Variants in NAV3 observed in about 807,000 individuals in gnomAD.
NAV3 encodes the protein neuron navigator 3, also known as pore membrane and/or filament interacting like protein 1.
In NAV3, 87 loss-of-function variants were observed where a neutral mutation model predicts 244.7. That is an observed-to-expected ratio of 0.36 (90% CI 0.30 to 0.42). NAV3 has a LOEUF of 0.42. NAV3 is among the 20% of genes least tolerant of loss of function. NAV3 has a pLI of 1.00. For synonymous variants in NAV3, 1,126 were observed against 1,042.2 expected (o/e 1.08, Z -1.55); for missense variants, 2,663 against 2,893.3 (o/e 0.92, Z 1.83).
chr12:77,859,985 C>T (rs1387704655), intron 1 of NAV3, among the ~76,000 whole-genome samples: 1 of 151,704 alleles, frequency 6.6e-6, no homozygotes, highest in African/African-American at 2.4e-5. Context: ...AAGTAAAGCA[C>T]AATTAAAATA....
intron 7 of NAV3, among the ~76,000 whole-genome samples, chr12:78,004,025 C>T (rs1163021673): frequency 6.6e-6 from 1 of 152,182 alleles, no homozygotes; most frequent in African/African-American, 2.4e-5. Context: ...AGCAGAATTT[C>T]TGGCATGCAG....
At chr12:77,793,164 A>C (rs1298528658) in intron 2 of NAV3, among the ~76,000 whole-genome samples, 1 of 152,216 alleles carries the variant, frequency 6.6e-6, no homozygotes. Flanking sequence ...AAAAAATATT[A>C]TAGCTATTAA....
intron 5 of NAV3, 71 bp from the exon 6 acceptor site, chr12:77,994,732 T>C: frequency 8.3e-7 from 1 of 1,199,972 alleles, no homozygotes; most frequent in Non-Finnish European, 1.2e-6. Flanking sequence ...ATAGTTTTCT[T>C]GTAAGTTTGT....
chr12:77,580,397 C>T (rs539159187), intron 2 of NAV3, among the ~76,000 whole-genome samples: 22 of 152,268 alleles, frequency 1.4e-4, no homozygotes, highest in Admixed American at 9.8e-4. Flanking sequence ...GCCATGACAC[C>T]GTCTGCTGGT....
At chr12:78,070,430 G>A (rs300417) in intron 12 of NAV3, among the ~76,000 whole-genome samples, 55,411 of 150,480 alleles carry the variant, frequency 0.37, 10,285 homozygotes, top group African/African-American at 0.42. Flanking sequence ...AAGTGCATAA[G>A]AATAATGACG....
chr12:77,734,029 G>C (rs1411030300), intron 2 of NAV3, among the ~76,000 whole-genome samples: 1 of 151,652 alleles, frequency 6.6e-6, no homozygotes, highest in Admixed American at 6.6e-5. Context: ...AGACTTAAGG[G>C]AAAGAATTAG....
chr12:78,120,939 C>T (rs1955639839), intron 15 of NAV3, among the ~76,000 whole-genome samples: 2 of 152,058 alleles, frequency 1.3e-5, no homozygotes, highest in Admixed American at 1.3e-4. Context: ...GGCTTTATTC[C>T]TCCGTAGTAA....
Position 78,210,757 on chromosome 12 carries a change from A to G in NAV3, c.*240A>G, listed in dbSNP as rs933192638. The G allele has an allele frequency of 8.6e-6, 4 of 464,492 alleles. No individual in the cohort carries two copies. The Admixed American group carries it at 1.5e-4, about 18-fold the overall frequency. The allele number at this position is 464,492 out of a possible 1,614,324, so 28.8% of individuals were successfully genotyped here. A position where few individuals can be genotyped will look rare whatever the true frequency, so the allele number is the denominator to read the frequency against. ...TATCTGTGGAGTAATAGAAAGCTCC[A>G]TTACTCAACTGGAAAGGACCCTAAT... is the stretch of plus-strand genomic sequence containing the variant. On this transcript the variant is annotated 3_prime_UTR_variant, in exon 40 of 40. Coordinates refer to ENST00000397909, the MANE Select transcript of NAV3 (RefSeq NM_001024383.2).
chr12:77,899,295 C>T (rs1884984539), intron 1 of NAV3, among the ~76,000 whole-genome samples: 1 of 152,166 alleles, frequency 6.6e-6, no homozygotes, highest in South Asian at 2.1e-4. Flanking sequence ...AAAATGCTAT[C>T]CAACAGCATT....
chr12:77,836,452 G>A (rs1874649966), intron 1 of NAV3, among the ~76,000 whole-genome samples: 1 of 152,148 alleles, frequency 6.6e-6, no homozygotes, highest in Admixed American at 6.6e-5. Flanking sequence ...ATTATGGAAA[G>A]CAATTATTTT....
At chr12:77,572,995 C>T (rs1868900792) in intron 2 of NAV3, among the ~76,000 whole-genome samples, 3 of 152,078 alleles carry the variant, frequency 2.0e-5, no homozygotes, top group Non-Finnish European at 2.9e-5. Context: ...TTAGAGATGG[C>T]GTCTAGGAGA....
intron 1 of NAV3, among the ~76,000 whole-genome samples, chr12:77,931,068 C>CCA (rs1888735293): frequency 1.0e-5 from 1 of 96,646 alleles, no homozygotes; most frequent in Admixed American, 1.1e-4. Flanking sequence ...AAATTCTTTC[C>CCA]TATAATTTTT....
At chr12:77,785,862 G>A (rs1870881299) in intron 2 of NAV3, among the ~76,000 whole-genome samples, 1 of 152,106 alleles carries the variant, frequency 6.6e-6, no homozygotes, top group East Asian at 1.9e-4. Flanking sequence ...AGAAACCTGT[G>A]GTCATCCCTC....
chr12:78,091,255 A>C (rs998738899), intron 12 of NAV3, among the ~76,000 whole-genome samples: 5 of 152,152 alleles, frequency 3.3e-5, no homozygotes, highest in Non-Finnish European at 4.4e-5. Context: ...AATAGTAGTA[A>C]CTTTACTTTT....
intron 2 of NAV3, among the ~76,000 whole-genome samples, chr12:77,819,782 T>G (rs1331711412): frequency 6.6e-6 from 1 of 152,172 alleles, no homozygotes; most frequent in Non-Finnish European, 1.5e-5. Context: ...TTTTCAACAT[T>G]ATGCTTTATT....
chr12:77,631,674 G>A (rs1565744930), intron 2 of NAV3, among the ~76,000 whole-genome samples: 2 of 152,128 alleles, frequency 1.3e-5, no homozygotes, highest in Non-Finnish European at 1.5e-5. Flanking sequence ...CTCACTCTGT[G>A]CCACCCCTTC....
intron 2 of NAV3, among the ~76,000 whole-genome samples, chr12:77,609,270 C>T (rs1870806051): frequency 6.6e-6 from 1 of 152,060 alleles, no homozygotes; most frequent in Non-Finnish European, 1.5e-5. Context: ...ATCAGACTTG[C>T]ATTTAAGGCC....
intron 9 of NAV3, among the ~76,000 whole-genome samples, chr12:78,022,999 A>G (rs1877417307): frequency 6.6e-6 from 1 of 152,176 alleles, no homozygotes; most frequent in South Asian, 2.1e-4. Flanking sequence ...TTTTTCAAAT[A>G]CATGGGGGAT....
At position 78,020,816 on chromosome 12, in the gene NAV3, C is replaced by A. The variant is rs61936195; in HGVS notation, c.1908-931C>A. On this transcript the variant is annotated intron_variant, in intron 8 of 39. Coordinates refer to ENST00000397909, the MANE Select transcript of NAV3 (RefSeq NM_001024383.2). ...CTTAAAGTAGTAAATATTGAAAGAT[C>A]ACTTGTCATGGCCCAGACCTACTAC... Among the ~76,000 whole-genome samples the A allele has an allele frequency of 7.6e-4, 115 of 151,850 alleles. 1 individual carries two copies. Among genetic ancestry groups the A allele is most frequent in the Admixed American group, 1.9e-3 (29 of 15,216 alleles).
Sources: allele counts gnomAD v4.1 joint callset (sites outside exome capture counted in the v4.1 genomes callset), GRCh38; gene constraint gnomAD v4.1.1; transcripts MANE v1.5; gene names NCBI Gene and HGNC (gene_info 2026-07-23, HGNC 2026-07-21).